PTK7: variants seen among roughly 807,000 people sequenced by gnomAD.
PTK7 encodes the protein inactive tyrosine-protein kinase 7.
In PTK7, 39 loss-of-function variants were observed where a neutral mutation model predicts 116.6. The observed-to-expected ratio is 0.33, with a 90% CI of 0.26 to 0.44. PTK7 has a LOEUF of 0.44. Among genes scored for constraint, PTK7 ranks in the 20% least tolerant of loss-of-function variants. The pLI is 1.00. For synonymous variants in PTK7, 546 were observed against 563.6 expected (o/e 0.97, Z 0.44); for missense variants, 1,169 against 1,425.6 (o/e 0.82, Z 2.90).
chr6:43,086,112 T>C (rs1245866837), intron 1 of PTK7, among the ~76,000 whole-genome samples: 1 of 152,174 alleles, frequency 6.6e-6, no homozygotes, highest in Non-Finnish European at 1.5e-5. Flanking sequence ...GGTGGGTTGG[T>C]GCTGGTTCAG....
intron 1 of PTK7, among the ~76,000 whole-genome samples, chr6:43,101,823 G>A (rs1042387591): frequency 1.3e-5 from 2 of 152,134 alleles, no homozygotes; most frequent in South Asian, 2.1e-4. Flanking sequence ...TATGATAAAC[G>A]GTAATGTGCC....
intron 17 of PTK7, among the ~76,000 whole-genome samples, chr6:43,153,446 G>C (rs1561986883): frequency 6.6e-6 from 1 of 151,974 alleles, no homozygotes; most frequent in Non-Finnish European, 1.5e-5. Flanking sequence ...GTCTCATTCT[G>C]TCACCCAGGC....
chr6:43,139,521 G>A lies in PTK7; in HGVS notation c.1614G>A (p.Arg538=). Residue 538 remains arginine (R), a synonymous_variant, in exon 10 of 20, where the codon CGG becomes CGA. Coordinates refer to ENST00000230419, the MANE Select transcript of PTK7 (RefSeq NM_002821.5). This position sits in a 1 kb window ranked among gnomAD's most constrained non-coding sequence, Gnocchi z 4.6. ...GREKPTIKWE[R]ADGSSLPEWV... Reference sequence around the variant, plus strand: ...AGAAGCCCACTATTAAGTGGGAACGGGCAGGTGGGTACAGTGCCGGCATAG... The same window carrying A: ...AGAAGCCCACTATTAAGTGGGAACGAGCAGGTGGGTACAGTGCCGGCATAG... 2 of 1,614,166 alleles carry A rather than the reference G, an allele frequency of 1.2e-6. No individual in the cohort carries two copies. Among genetic ancestry groups the A allele is most frequent in the East Asian group, 2.2e-5 (1 of 44,892 alleles).
chr6:43,137,021 T>G (rs116607035), intron 7 of PTK7, among the ~76,000 whole-genome samples: 6,656 of 152,094 alleles, frequency 0.044, 203 homozygotes, highest in Non-Finnish European at 0.069. Context: ...CAAAAAGAAA[T>G]AAACTCTACC....
At chr6:43,103,699 G>A (rs184192919) in intron 1 of PTK7, among the ~76,000 whole-genome samples, 3 of 152,252 alleles carry the variant, frequency 2.0e-5, no homozygotes, top group Admixed American at 2.0e-4. Context: ...TTTGTTCTCT[G>A]AACTCACAGC....
chr6:43,130,264 C>T lies in PTK7; in HGVS notation c.505C>T (p.Leu169Phe), dbSNP rs768165017. ...TYQWFRDGTPLSDGQSNHTVS... is the reference protein window; with the variant it reads ...TYQWFRDGTPFSDGQSNHTVS... ...CCAATGGTTCCGAGATGGGACCCCC[C>T]TTTCTGATGGTCAGAGCAACCACAC... The change falls in exon 4 of 20, where the codon CTT (leucine) becomes TTT (phenylalanine). Residue 169 changes from leucine to phenylalanine, a missense_variant. Leu to Phe is a conservative substitution (Grantham distance 22, BLOSUM62 0). Coordinates refer to ENST00000230419, the MANE Select transcript of PTK7 (RefSeq NM_002821.5). 2.5e-6 allele frequency: 4 copies of T among 1,601,246 alleles called. No homozygotes were observed. In the South Asian group the frequency reaches 3.3e-5, roughly 13 times the overall value.
intron 13 of PTK7, chr6:43,142,803 CAG>C (rs1292721038): frequency 8.0e-5 from 15 of 186,466 alleles, no homozygotes; most frequent in Admixed American, 5.5e-5. Context: ...GGTTTGGCAG[CAG>C]AGTTATTTTT....
At chr6:43,093,183 C>CTTTTTT (rs72414606) in intron 1 of PTK7, among the ~76,000 whole-genome samples, 32 of 84,774 alleles carry the variant, frequency 3.8e-4, no homozygotes, top group African/African-American at 9.2e-4. Flanking sequence ...ATAGGATCTC[C>CTTTTTT]TTTTTTTTTT....
At chr6:43,151,178 C>T (rs936165285) in intron 17 of PTK7, among the ~76,000 whole-genome samples, 2 of 151,364 alleles carry the variant, frequency 1.3e-5, no homozygotes, top group African/African-American at 4.9e-5. Context: ...AGAAGAGAGG[C>T]CCAGTAATCC....
At chr6:43,116,651 T>TGTGTGTGC (rs1323606377) in intron 1 of PTK7, among the ~76,000 whole-genome samples, 7 of 77,212 alleles carry the variant, frequency 9.1e-5, no homozygotes, top group African/African-American at 3.9e-4. Context: ...TGTGTGTGTG[T>TGTGTGTGC]GCGCGCGCAC....
At chr6:43,087,807 T>C (rs1766740131) in intron 1 of PTK7, among the ~76,000 whole-genome samples, 1 of 152,238 alleles carries the variant, frequency 6.6e-6, no homozygotes, top group Admixed American at 6.5e-5. Context: ...CACTTTAATC[T>C]AAGGGCTGCT....
Position 43,143,557 on chromosome 6 carries a change from T to A in PTK7, c.2188T>A (p.Cys730Ser), listed in dbSNP as rs886556186. ...LGLMFYCKKRCKAKRLQKQPE... is the reference protein window; with the variant it reads ...LGLMFYCKKRSKAKRLQKQPE... ...CCTCATGTTCTACTGCAAGAAGCGC[T>A]GCAAAGCCAAGCGGCTGCAGAAGCA... Residue 730 changes from cysteine (C) to serine (S), a missense_variant, in exon 14 of 20, where the codon TGC (cysteine) becomes AGC (serine). Around this residue, in one of 3 missense-constraint regions of PTK7, gnomAD observed 678 missense variants for 853.8 expected, o/e 0.79. Transcript: ENST00000230419. This position sits in a 1 kb window ranked among gnomAD's most constrained non-coding sequence, Gnocchi z 4.2. 6.2e-7 allele frequency: 1 copy of A among 1,613,770 alleles called. No individual in the cohort carries two copies. Among genetic ancestry groups the A allele is most frequent in the Admixed American group, 1.7e-5 (1 of 60,026 alleles).
In PTK7 at chr6:43,077,082, C is replaced by G. The variant is rs545260805; in HGVS notation, c.79+515C>G. Reference sequence around the variant, plus strand: ...TACGCCGACCCGACGTTCCCGGCTTCCCTCCTCCGAGTTCCTGGGCAAAGC... The same window carrying G: ...TACGCCGACCCGACGTTCCCGGCTTGCCTCCTCCGAGTTCCTGGGCAAAGC... On this transcript the variant is annotated intron_variant, in intron 1 of 19. Coordinates refer to ENST00000230419, the MANE Select transcript of PTK7 (RefSeq NM_002821.5). 19 of 1,251,312 alleles carry G rather than the reference C, an allele frequency of 1.5e-5. No homozygotes were observed. In the African/African-American group the frequency reaches 2.8e-4, roughly 18 times the overall value. 77.5% of individuals were successfully genotyped at this position (1,251,312 alleles called of 1,614,324 possible). A position where few individuals can be genotyped will look rare whatever the true frequency, so the allele number is the denominator to read the frequency against.
chr6:43,097,680 C>T (rs1362002995), intron 1 of PTK7, among the ~76,000 whole-genome samples: 1 of 152,168 alleles, frequency 6.6e-6, no homozygotes, highest in East Asian at 1.9e-4. Context: ...CAAACATCCC[C>T]ACCTCCATGA....
chr6:43,088,382 G>A (rs1484920359), intron 1 of PTK7, among the ~76,000 whole-genome samples: 1 of 151,944 alleles, frequency 6.6e-6, no homozygotes, highest in African/African-American at 2.4e-5. Flanking sequence ...GTATGTCCAG[G>A]TGTTACTGTG....
intron 1 of PTK7, among the ~76,000 whole-genome samples, chr6:43,109,730 G>T (rs1234054315): frequency 2.3e-4 from 33 of 142,552 alleles, no homozygotes; most frequent in Admixed American, 7.2e-5. Context: ...ACAGAGTCTT[G>T]CTCTGTCACC....
Position 43,128,983 on chromosome 6 carries a change from A to G in PTK7, c.86A>G (p.Gln29Arg). 6.2e-7 allele frequency: 1 copy of G among 1,605,030 alleles called. No homozygotes were observed. The highest frequency in any genetic ancestry group is 8.5e-7 in the Non-Finnish European group (1 of 1,173,736). Residue 29 changes from glutamine to arginine, a missense_variant, in exon 2 of 20, where the codon CAG (glutamine) becomes CGG (arginine). Coordinates refer to ENST00000230419, the MANE Select transcript of PTK7 (RefSeq NM_002821.5). Reference protein sequence around the residue: ...VLLLPLLGGTQTAIVFIKQPS... With the variant: ...VLLLPLLGGTRTAIVFIKQPS... ...CCCCTGTTTGCATCTACAGGTACCC[A>G]GACAGCCATTGTCTTCATCAAGCAG...
intron 1 of PTK7, among the ~76,000 whole-genome samples, chr6:43,108,415 T>G (rs1768014893): frequency 6.8e-6 from 1 of 147,352 alleles, no homozygotes; most frequent in Non-Finnish European, 1.5e-5. Context: ...TTTTTTTCCT[T>G]TAAAGACAGG....
chr6:43,108,646 C>T (rs1768030321), intron 1 of PTK7, among the ~76,000 whole-genome samples: 1 of 152,250 alleles, frequency 6.6e-6, no homozygotes, highest in Non-Finnish European at 1.5e-5. Context: ...AAGCGATCCA[C>T]CCGCCTCGGC....
Sources: allele counts gnomAD v4.1 joint callset (sites outside exome capture counted in the v4.1 genomes callset), GRCh38; gene constraint gnomAD v4.1.1; regional missense constraint gnomAD v4.1.1; non-coding constraint Gnocchi (gnomAD v3.1); transcripts MANE v1.5; gene names NCBI Gene and HGNC (gene_info 2026-07-23, HGNC 2026-07-21).